The following RALGAPA2 variants were observed in gnomAD, a reference collection of about 807,000 sequenced individuals.
The protein encoded by RALGAPA2 is Ral GTPase activating protein catalytic subunit alpha 2.
RALGAPA2 carries 139 observed loss-of-function variants against 230.4 expected under a neutral mutation model. The observed-to-expected ratio is 0.60, with a 90% confidence interval of 0.53 to 0.69. The LOEUF (loss-of-function observed/expected upper bound fraction) is 0.69, where lower values mean the gene tolerates loss of function less well. RALGAPA2 is among the 30% of genes least tolerant of loss of function. The pLI is 0.00. For missense variants in RALGAPA2, 2,163 were observed against 2,276.0 expected (o/e 0.95, Z 1.01); for synonymous variants, 847 against 837.8 (o/e 1.01, Z -0.19).
intron 36 of RALGAPA2, among the ~76,000 whole-genome samples, chr20:20,482,334 A>G (rs1236466520): frequency 1.3e-5 from 2 of 152,158 alleles, no homozygotes; most frequent in African/African-American, 2.4e-5. Context: ...GGCAAAAGGG[A>G]AAAAAAGCTT....
intron 3 of RALGAPA2, among the ~76,000 whole-genome samples, chr20:20,657,737 T>C (rs1186394809): frequency 8.5e-5 from 13 of 152,200 alleles, no homozygotes; most frequent in Non-Finnish European, 4.4e-5. Context: ...TTAAGGGACC[T>C]GGCAGCCCAG....
chr20:20,422,635 C>T (rs1039136476), intron 37 of RALGAPA2, among the ~76,000 whole-genome samples: 1 of 152,104 alleles, frequency 6.6e-6, no homozygotes, highest in African/African-American at 2.4e-5. Context: ...GTGAGGAAGG[C>T]CTGCTAATAA....
chr20:20,629,691 T>C (rs1253061298), intron 9 of RALGAPA2, 101 bp from the exon 10 acceptor site: 3 of 1,222,314 alleles, frequency 2.5e-6, no homozygotes, highest in Non-Finnish European at 3.5e-6. Flanking sequence ...CTGGTTACCA[T>C]CAATGTGCAC....
intron 38 of RALGAPA2, among the ~76,000 whole-genome samples, chr20:20,399,567 G>A (rs1007602713): frequency 3.3e-5 from 5 of 152,286 alleles, no homozygotes; most frequent in South Asian, 2.1e-4. Flanking sequence ...GTTGAGCCGG[G>A]GGAATCCAGA....
At position 20,580,600 on chromosome 20, in the gene RALGAPA2, C is replaced by T. The variant is rs76728113; in HGVS notation, c.2707+2450G>A. ...GGTTGCCCCATTTTGTTCCTTCTGCCTCCTGGTACTTCCCTGCATGACCCC... is the reference window on the plus strand; with the variant it reads ...GGTTGCCCCATTTTGTTCCTTCTGCTTCCTGGTACTTCCCTGCATGACCCC... On this transcript the variant is annotated intron_variant, in intron 20 of 39. Coordinates refer to ENST00000202677, the MANE Select transcript of RALGAPA2 (RefSeq NM_020343.4). Among the ~76,000 whole-genome samples the T allele has an allele frequency of 9.7e-3, 1,471 of 152,248 alleles. 20 individuals are homozygous for T. Among genetic ancestry groups the T allele is most frequent in the African/African-American group, 0.03 (1,261 of 41,554 alleles).
chr20:20,635,307 T>C (rs1328825613), intron 9 of RALGAPA2, 111 bp downstream of exon 9: 1 of 1,198,540 alleles, frequency 8.3e-7, no homozygotes, highest in Admixed American at 2.2e-5. Context: ...CACTTACCTA[T>C]AACCAACAAC....
chr20:20,630,310 C>T (rs575723276), intron 9 of RALGAPA2, among the ~76,000 whole-genome samples: 27 of 152,252 alleles, frequency 1.8e-4, no homozygotes, highest in African/African-American at 6.3e-4. Context: ...CCTTTGCAAA[C>T]TCCATTATTA....
At chr20:20,644,624 A>G (rs1054630358) in intron 4 of RALGAPA2, among the ~76,000 whole-genome samples, 3 of 152,252 alleles carry the variant, frequency 2.0e-5, no homozygotes, top group African/African-American at 7.2e-5. Flanking sequence ...GCTAGGTTCT[A>G]GCACTTAAAT....
intron 4 of RALGAPA2, among the ~76,000 whole-genome samples, chr20:20,651,636 A>G (rs2067401482): frequency 6.6e-6 from 1 of 152,220 alleles, no homozygotes; most frequent in Non-Finnish European, 1.5e-5. Context: ...AATACTACAC[A>G]CTGCCTACTA....
At chr20:20,558,154 G>A (rs1602784076) in intron 23 of RALGAPA2, among the ~76,000 whole-genome samples, 1 of 152,170 alleles carries the variant, frequency 6.6e-6, no homozygotes, top group Non-Finnish European at 1.5e-5. Context: ...ACAGGCATCC[G>A]CCACTACGCC....
chr20:20,681,934 C>T (rs189490752), intron 1 of RALGAPA2, among the ~76,000 whole-genome samples: 2 of 152,262 alleles, frequency 1.3e-5, no homozygotes, highest in East Asian at 3.9e-4. Flanking sequence ...GCAAGGATTA[C>T]TCAAGAAAAA....
At position 20,458,413 on chromosome 20, in the gene RALGAPA2, TATATATA is replaced by T. The variant is rs1409720014; in HGVS notation, c.5495+14409_5495+14415del. ...CATTTTTTATACATATAATATATGTTATATATAATATATATGTATTTTTTATATTACA... is the reference window on the plus strand; with the variant it reads ...CATTTTTTATACATATAATATATGTTATATATATGTATTTTTTATATTACA... On this transcript the variant is annotated intron_variant, in intron 37 of 39. Transcript: ENST00000202677. 8.5e-5 allele frequency among the ~76,000 whole-genome samples: 12 copies of T among 141,870 alleles called. 2 individuals are homozygous for T. The highest frequency in any genetic ancestry group is 2.4e-4 in the African/African-American group (9 of 37,870). The allele number at this position is 141,870 out of a possible 152,430, so 93.1% of individuals were successfully genotyped here.
chr20:20,675,986 C>T (rs2068309466), intron 3 of RALGAPA2, among the ~76,000 whole-genome samples: 2 of 151,960 alleles, frequency 1.3e-5, no homozygotes, highest in Non-Finnish European at 2.9e-5. Context: ...GTGTACTCCT[C>T]CATCTAATAA....
intron 37 of RALGAPA2, among the ~76,000 whole-genome samples, chr20:20,431,669 C>T (rs1447084785): frequency 6.6e-6 from 1 of 152,104 alleles, no homozygotes; most frequent in Non-Finnish European, 1.5e-5. Context: ...TTATAGATTT[C>T]AAAATTGCAA....
intron 9 of RALGAPA2, among the ~76,000 whole-genome samples, chr20:20,633,121 CTT>C (rs935594004): frequency 1.4e-5 from 2 of 147,794 alleles, no homozygotes; most frequent in African/African-American, 2.5e-5. Context: ...CTTTCTCTCT[CTT>C]TCTTTTCTTT....
chr20:20,652,498 T>C (rs1375595383), intron 4 of RALGAPA2, among the ~76,000 whole-genome samples: 2 of 152,238 alleles, frequency 1.3e-5, no homozygotes, highest in Admixed American at 1.3e-4. Context: ...TGGTGATATA[T>C]TCTTAGTTTC....
chr20:20,606,811 C>G (rs1238878264), intron 14 of RALGAPA2, among the ~76,000 whole-genome samples: 1 of 152,190 alleles, frequency 6.6e-6, no homozygotes, highest in African/African-American at 2.4e-5. Flanking sequence ...GACAATTATG[C>G]CTATATGCTG....
In RALGAPA2 at chr20:20,575,884, T is replaced by C. The variant is rs141135829; in HGVS notation, c.2708-2816A>G. Among the ~76,000 whole-genome samples, 463 of 152,246 alleles carry C rather than the reference T, an allele frequency of 3.0e-3. 1 individual carries two copies. Among genetic ancestry groups the C allele is most frequent in the African/African-American group, 0.011 (443 of 41,538 alleles). On this transcript the variant is annotated intron_variant, in intron 20 of 39. Transcript: ENST00000202677. ...TTGTGGATTTATGTCTTATTTAATA[T>C]AAATCCTTTCAATGTGGCTTAAGTA...
intron 2 of RALGAPA2, among the ~76,000 whole-genome samples, chr20:20,678,889 A>G (rs146623629): frequency 6.6e-6 from 1 of 152,228 alleles, no homozygotes; most frequent in Non-Finnish European, 1.5e-5. Context: ...TCCCCAGCCC[A>G]GCTGCACCTC....
Sources: gnomAD v4.1 joint callset for allele counts (sites outside exome capture counted in the v4.1 genomes callset) on GRCh38, gnomAD v4.1.1 for gene constraint, MANE v1.5 for transcripts, NCBI Gene and HGNC (gene_info 2026-07-23, HGNC 2026-07-21) for gene names.